Variants in ARAP2 observed in about 807,000 individuals in gnomAD.
ARAP2 encodes ArfGAP with RhoGAP domain, ankyrin repeat and PH domain 2.
In ARAP2, 148 loss-of-function variants were observed where a neutral mutation model predicts 194.5. That is an observed-to-expected ratio of 0.76 (90% CI 0.67 to 0.87). The LOEUF (loss-of-function observed/expected upper bound fraction) is 0.87. ARAP2 is among the 40% of genes least tolerant of loss of function. The pLI is 0.00. For missense variants in ARAP2, 2,128 were observed against 1,989.7 expected, an observed-to-expected ratio of 1.07 and a Z score of -1.32; for synonymous variants, 695 against 683.5, an observed-to-expected ratio of 1.02 and a Z score of -0.26.
At chr4:36,173,962 T>A (rs982915681) in intron 9 of ARAP2, among the ~76,000 whole-genome samples, 11 of 152,100 alleles carry the variant, frequency 7.2e-5, no homozygotes, top group African/African-American at 2.7e-4. Flanking sequence ...CCAATAATAA[T>A]CATCATCATC....
At chr4:36,230,016 G>A (rs1751124195) in intron 1 of ARAP2, among the ~76,000 whole-genome samples, 2 of 152,122 alleles carry the variant, frequency 1.3e-5, no homozygotes, top group Non-Finnish European at 2.9e-5. Flanking sequence ...ATCAGAAAGG[G>A]TTTTTTTAAA....
At chr4:36,077,286 G>C (rs60250714) in intron 31 of ARAP2, among the ~76,000 whole-genome samples, 65,542 of 151,814 alleles carry the variant, frequency 0.43, 14,470 homozygotes, top group East Asian at 0.61. Flanking sequence ...ATATCTGATC[G>C]AAACAATCTG....
At position 36,121,196 on chromosome 4, in the gene ARAP2, A is replaced by G. The variant is rs1319009830; in HGVS notation, c.3877T>C (p.Tyr1293His). 6.3e-7 allele frequency: 1 copy of G among 1,594,220 alleles called. No individual in the cohort carries two copies. Among genetic ancestry groups the G allele is most frequent in the East Asian group, 2.3e-5 (1 of 44,198 alleles). The change falls in exon 23 of 33, where the codon TAT becomes CAT. Residue 1293 changes from tyrosine (Y) to histidine (H), a missense_variant. Physicochemically the swap from Tyr to His is moderately conservative, Grantham distance 83. Coordinates refer to ENST00000303965, the MANE Select transcript of ARAP2 (RefSeq NM_015230.4). ...ATAATTACCTCAAATATTTCTACAT[A>G]ATTATTAATTAGGTCCTCAATTACA... ...VNVIEDLINN[Y>H]VEIFEVKEDQ... is the part of the protein sequence containing the mutation.
At chr4:36,070,685 A>G (rs192359659) in intron 32 of ARAP2, among the ~76,000 whole-genome samples, 7 of 152,330 alleles carry the variant, frequency 4.6e-5, no homozygotes, top group Admixed American at 1.3e-4. Flanking sequence ...CCAAAAAGTA[A>G]TATGACCAAT....
intron 20 of ARAP2, 150 bp from the exon 21 acceptor site, chr4:36,128,895 GCTTTTTACTCCTGAT>G: frequency 3.0e-6 from 2 of 664,942 alleles, no homozygotes; most frequent in Non-Finnish European, 5.1e-6. Context: ...AGCAGGAAAG[GCTTTTTACTCCTGAT>G]TTTAGTATTT....
intron 2 of ARAP2, among the ~76,000 whole-genome samples, chr4:36,215,957 T>A (rs1207883499): frequency 2.6e-5 from 4 of 152,130 alleles, no homozygotes; most frequent in Admixed American, 2.6e-4. Context: ...AAATGCTATT[T>A]TTTTAAGCCT....
chr4:36,209,954 T>C (rs78138337), intron 6 of ARAP2, among the ~76,000 whole-genome samples: 158 of 152,268 alleles, frequency 1.0e-3, no homozygotes, highest in African/African-American at 3.7e-3. Flanking sequence ...CTAACAAAGA[T>C]GTACTTTTCC....
At position 36,212,413 on chromosome 4, in the gene ARAP2, A is replaced by G; in HGVS notation, c.1116T>C (p.Ser372=). The change falls in exon 5 of 33, where the codon TCT becomes TCC. Residue 372 remains serine, a synonymous_variant. Transcript: ENST00000303965. ...TCTCATACCTTGATTTGATGATAAA[A>G]GAGTTTGTTGCAGTAGCTGCTTCCC... ...LKGEAATATN[S]FIIKSSIYDN... is the part of the protein sequence containing the mutation. 1 of 1,611,600 alleles carries G rather than the reference A, an allele frequency of 6.2e-7. No homozygotes were observed. The highest frequency in any genetic ancestry group is 8.5e-7 in the Non-Finnish European group (1 of 1,178,196).
chr4:36,107,238 T>C (rs1718644043), intron 27 of ARAP2, among the ~76,000 whole-genome samples: 1 of 152,022 alleles, frequency 6.6e-6, no homozygotes, highest in African/African-American at 2.4e-5. Context: ...AATGTAAATG[T>C]AATTCACAGA....
At chr4:36,120,731 A>C (rs1722475178) in intron 23 of ARAP2, among the ~76,000 whole-genome samples, 1 of 151,712 alleles carries the variant, frequency 6.6e-6, no homozygotes, top group South Asian at 2.1e-4. Flanking sequence ...ATGACTTAGT[A>C]AAACACCATA....
intron 2 of ARAP2, among the ~76,000 whole-genome samples, chr4:36,220,335 C>A (rs1748871054): frequency 1.3e-5 from 2 of 152,118 alleles, no homozygotes; most frequent in South Asian, 2.1e-4. Context: ...ATGAAAAATT[C>A]CTATTGCCAA....
chr4:36,165,734 AT>A (rs1298491890), intron 10 of ARAP2, among the ~76,000 whole-genome samples: 1 of 152,210 alleles, frequency 6.6e-6, no homozygotes, highest in East Asian at 1.9e-4. Context: ...GAGTGAATGA[AT>A]AAAAACATTA....
chr4:36,016,825 A>G (rs1236567041), intron 6 of ARAP2, among the ~76,000 whole-genome samples: 1 of 152,112 alleles, frequency 6.6e-6, no homozygotes, highest in African/African-American at 2.4e-5. Flanking sequence ...TCCTCATTGT[A>G]TATTCTTTGA....
At chr4:36,105,880 A>AAT (rs1320448087) in intron 27 of ARAP2, among the ~76,000 whole-genome samples, 1 of 152,000 alleles carries the variant, frequency 6.6e-6, no homozygotes, top group East Asian at 1.9e-4. Flanking sequence ...CAAAGGTATT[A>AAT]TGTCTAGGTG....
intron 19 of ARAP2, among the ~76,000 whole-genome samples, chr4:36,143,282 C>T (rs1047874359): frequency 1.3e-5 from 2 of 151,528 alleles, no homozygotes; most frequent in South Asian, 4.2e-4. Flanking sequence ...TCTATGGACA[C>T]GTTTTCTAAT....
chr4:36,118,140 G>A (rs966472325), intron 24 of ARAP2, among the ~76,000 whole-genome samples: 1 of 151,206 alleles, frequency 6.6e-6, no homozygotes, highest in East Asian at 2.0e-4. Flanking sequence ...GGCATTACAG[G>A]CTTAGAAAAG....
chr4:36,148,004 G>C (rs967022273), intron 17 of ARAP2, among the ~76,000 whole-genome samples: 3 of 152,068 alleles, frequency 2.0e-5, no homozygotes, highest in African/African-American at 7.2e-5. Flanking sequence ...TCTCTTAACT[G>C]ATTTGTGGAA....
chr4:36,043,584 A>G (rs1386008520), intron 5 of ARAP2, among the ~76,000 whole-genome samples: 2 of 151,970 alleles, frequency 1.3e-5, no homozygotes, highest in African/African-American at 4.8e-5. Context: ...AAGATGAAGC[A>G]AATTGTCTAA....
chr4:36,082,154 T>C (rs975413777), intron 30 of ARAP2, 97 bp downstream of exon 30: 3 of 1,177,078 alleles, frequency 2.5e-6, no homozygotes, highest in African/African-American at 3.1e-5. Context: ...GGCAAAACAC[T>C]TTCCGTCTGT....
Sources: gnomAD v4.1 joint callset for allele counts (sites outside exome capture counted in the v4.1 genomes callset) on GRCh38, gnomAD v4.1.1 for gene constraint, MANE v1.5 for transcripts, NCBI Gene and HGNC (gene_info 2026-07-23, HGNC 2026-07-21) for gene names.